MALRD1: variants seen among roughly 807,000 people sequenced by gnomAD.
MALRD1 encodes the protein MAM and LDL-receptor class A domain-containing protein 1.
MALRD1 carries 247 observed loss-of-function variants against 242.1 expected under a neutral mutation model. The ratio of observed to expected loss-of-function variants is 1.02; its 90% CI spans 0.92 to 1.13. The LOEUF (loss-of-function observed/expected upper bound fraction) is 1.13. MALRD1 is among the 50% of genes most tolerant of loss of function. MALRD1 has a pLI of 0.00. For synonymous variants in MALRD1, 995 were observed against 866.6 expected, an observed-to-expected ratio of 1.15 and a Z score of -2.60; for missense variants, 2,989 against 2,533.1, an observed-to-expected ratio of 1.18 and a Z score of -3.86.
intron 29 of MALRD1, among the ~76,000 whole-genome samples, chr10:19,482,788 AATAAC>A (rs61265736): frequency 0.81 from 122,135 of 151,516 alleles, 49,599 homozygotes; most frequent in East Asian, 1. Flanking sequence ...AGTAATTATA[AATAAC>A]ATAACACAAA....
chr10:19,252,189 T>C (rs1443716154), intron 18 of MALRD1, among the ~76,000 whole-genome samples: 1 of 152,086 alleles, frequency 6.6e-6, no homozygotes, highest in Non-Finnish European at 1.5e-5. Flanking sequence ...GGAGGACTAG[T>C]GTCTGCGGCA....
chr10:19,415,598 T>C (rs1050812432), intron 28 of MALRD1, among the ~76,000 whole-genome samples: 1 of 152,146 alleles, frequency 6.6e-6, no homozygotes, highest in Non-Finnish European at 1.5e-5. Context: ...ATTCAAATTA[T>C]CAGATTATTT....
intron 18 of MALRD1, among the ~76,000 whole-genome samples, chr10:19,232,802 T>A (rs1564486546): frequency 1.3e-5 from 2 of 152,120 alleles, no homozygotes. Flanking sequence ...CTCAACAGAA[T>A]ATGTGTCCCC....
intron 32 of MALRD1, among the ~76,000 whole-genome samples, chr10:19,542,986 A>G (rs1835042218): frequency 6.6e-6 from 1 of 152,136 alleles, no homozygotes; most frequent in East Asian, 1.9e-4. Flanking sequence ...GAAATCCTGT[A>G]TTATTTGTTA....
intron 18 of MALRD1, among the ~76,000 whole-genome samples, chr10:19,238,583 T>A (rs1281863237): frequency 1.6e-5 from 2 of 124,246 alleles, no homozygotes; most frequent in African/African-American, 6.2e-5. Flanking sequence ...TAATGTATAT[T>A]ATATATATAT....
chr10:19,151,136 C>T (rs1304347242), intron 11 of MALRD1, among the ~76,000 whole-genome samples: 6 of 152,024 alleles, frequency 3.9e-5, no homozygotes, highest in Admixed American at 2.6e-4. Context: ...AATGGGTGTA[C>T]AATGATTTCT....
At chr10:19,128,148 A>G (rs1242141167) in intron 7 of MALRD1, 73 bp from the exon 8 acceptor site, 4 of 1,092,828 alleles carry the variant, frequency 3.7e-6, no homozygotes, top group Admixed American at 4.2e-5. Context: ...AACTTCAGAA[A>G]TGTAATAGTT....
intron 21 of MALRD1, among the ~76,000 whole-genome samples, chr10:19,294,857 C>A (rs1023459198): frequency 2.0e-5 from 3 of 151,974 alleles, no homozygotes; most frequent in Admixed American, 1.3e-4. Context: ...ATAAGAAAGA[C>A]AATACATTAA....
chr10:19,519,768 A>G lies in MALRD1; in HGVS notation c.5321-11426A>G, dbSNP rs554328990. Among the ~76,000 whole-genome samples the G allele has an allele frequency of 3.3e-5, 5 of 152,318 alleles. No individual in the cohort carries two copies. In the South Asian group the frequency reaches 8.3e-4, roughly 25 times the overall value. On this transcript the variant is annotated intron_variant, in intron 31 of 39. Coordinates refer to ENST00000454679, the MANE Select transcript of MALRD1 (RefSeq NM_001142308.3). ...AACAGAGCTAGGTGCCTTCTCAAACAACAATAACAAAAAACTGGTTCTGAT... is the reference window on the plus strand; with the variant it reads ...AACAGAGCTAGGTGCCTTCTCAAACGACAATAACAAAAAACTGGTTCTGAT...
chr10:19,284,589 T>C (rs554591958), intron 21 of MALRD1, among the ~76,000 whole-genome samples: 1 of 151,740 alleles, frequency 6.6e-6, no homozygotes, highest in Non-Finnish European at 1.5e-5. Context: ...ACTCATCATT[T>C]TTGATGGCTG....
chr10:19,252,800 A>G (rs895972743), intron 18 of MALRD1, among the ~76,000 whole-genome samples: 5 of 152,054 alleles, frequency 3.3e-5, no homozygotes, highest in Non-Finnish European at 5.9e-5. Context: ...TGTATGTGAT[A>G]GAGTCAGCCA....
intron 26 of MALRD1, among the ~76,000 whole-genome samples, chr10:19,386,502 T>C (rs1053716067): frequency 6.6e-6 from 1 of 152,188 alleles, no homozygotes; most frequent in African/African-American, 2.4e-5. Flanking sequence ...ACTTTTTCTA[T>C]TGAAATATTG....
At chr10:19,385,072 T>G (rs1466036750) in intron 26 of MALRD1, among the ~76,000 whole-genome samples, 1 of 152,044 alleles carries the variant, frequency 6.6e-6, no homozygotes, top group Non-Finnish European at 1.5e-5. Context: ...CATTATTAAT[T>G]TGCTGATGTT....
At chr10:19,568,885 C>G (rs550443666) in intron 33 of MALRD1, among the ~76,000 whole-genome samples, 3 of 152,120 alleles carry the variant, frequency 2.0e-5, no homozygotes, top group African/African-American at 7.2e-5. Flanking sequence ...AGGCGATGGG[C>G]TAAGCATTTT....
chr10:19,427,595 C>G (rs562888195), intron 28 of MALRD1, among the ~76,000 whole-genome samples: 132 of 152,234 alleles, frequency 8.7e-4, no homozygotes, highest in African/African-American at 3.2e-3. Context: ...GGTTCAATCT[C>G]TTAAATTTCC....
At chr10:19,593,250 A>G (rs186770744) in intron 33 of MALRD1, among the ~76,000 whole-genome samples, 151 of 152,310 alleles carry the variant, frequency 9.9e-4, no homozygotes, top group African/African-American at 3.1e-3. Flanking sequence ...TCTCCAAGTC[A>G]TACATTTATC....
intron 28 of MALRD1, among the ~76,000 whole-genome samples, chr10:19,440,818 C>T (rs1834601738): frequency 6.6e-6 from 1 of 152,144 alleles, no homozygotes. Context: ...GTGCATGTGT[C>T]TTTATAGCAG....
At chr10:19,530,047 C>T (rs1212329066) in intron 31 of MALRD1, among the ~76,000 whole-genome samples, 2 of 151,650 alleles carry the variant, frequency 1.3e-5, no homozygotes, top group Non-Finnish European at 2.9e-5. Context: ...CAAACCGATT[C>T]TAAAGATTGC....
At chr10:19,405,137 A>C (rs1847034908) in intron 28 of MALRD1, among the ~76,000 whole-genome samples, 1 of 152,178 alleles carries the variant, frequency 6.6e-6, no homozygotes. Flanking sequence ...CGTTACCTCA[A>C]CTTTCTAAAT....
Sources: gnomAD v4.1 joint callset for allele counts (sites outside exome capture counted in the v4.1 genomes callset) on GRCh38, gnomAD v4.1.1 for gene constraint, MANE v1.5 for transcripts, NCBI Gene and HGNC (gene_info 2026-07-23, HGNC 2026-07-21) for gene names.